The following WWTR1 variants were observed in gnomAD, a reference collection of about 807,000 sequenced individuals.
WWTR1 encodes the protein WW domain containing transcription regulator 1, also known as WW domain-containing transcription regulator protein 1.
In WWTR1, 13 loss-of-function variants were observed where a neutral mutation model predicts 40.1. That is an observed-to-expected ratio of 0.32 (90% CI 0.21 to 0.52). The LOEUF is 0.52. Ranked by LOEUF, WWTR1 falls within the 20% of genes least tolerant of loss-of-function variation. WWTR1 has a pLI of 0.97. For missense variants in WWTR1, 436 were observed against 523.1 expected (o/e 0.83, Z 1.63); for synonymous variants, 230 against 210.1 (o/e 1.09, Z -0.82).
intron 2 of WWTR1, among the ~76,000 whole-genome samples, chr3:149,642,405 C>A (rs1039337232): frequency 1.3e-5 from 2 of 148,916 alleles, no homozygotes; most frequent in African/African-American, 5.0e-5. Flanking sequence ...AGGCGACAAG[C>A]AAAACTCTGT....
chr3:149,646,138 G>A (rs67938531), intron 2 of WWTR1, among the ~76,000 whole-genome samples: 23,940 of 152,130 alleles, frequency 0.16, 2,308 homozygotes, highest in East Asian at 0.24. Context: ...ATAGCTAGAA[G>A]GATGGATGGA....
intron 5 of WWTR1, among the ~76,000 whole-genome samples, chr3:149,713,607 C>G (rs1715526705): frequency 6.6e-6 from 1 of 152,194 alleles, no homozygotes; most frequent in African/African-American, 2.4e-5. Flanking sequence ...TCTCGAACTC[C>G]TGACCTCAGG....
intron 3 of WWTR1, among the ~76,000 whole-genome samples, chr3:149,548,594 T>A (rs1267826730): frequency 6.6e-6 from 1 of 152,160 alleles, no homozygotes; most frequent in Non-Finnish European, 1.5e-5. Flanking sequence ...TCTGAGTAGA[T>A]CATGGAAAGA....
At chr3:149,561,756 T>C (rs749618678) in intron 3 of WWTR1, among the ~76,000 whole-genome samples, 1 of 152,186 alleles carries the variant, frequency 6.6e-6, no homozygotes, top group Non-Finnish European at 1.5e-5. Context: ...GAAGGCTCTC[T>C]AAGATATGTT....
intron 1 of WWTR1, among the ~76,000 whole-genome samples, chr3:149,701,151 CT>C (rs1472910541): frequency 6.6e-6 from 1 of 150,910 alleles, no homozygotes; most frequent in South Asian, 2.1e-4. Context: ...TTTTTCTTTT[CT>C]TTTTTTAGGC....
At chr3:149,642,768 C>A (rs1156449210) in intron 2 of WWTR1, among the ~76,000 whole-genome samples, 1 of 149,874 alleles carries the variant, frequency 6.7e-6, no homozygotes, top group African/African-American at 2.5e-5. Context: ...GAGTGAGACT[C>A]CGTCTCAAAA....
intron 1 of WWTR1, among the ~76,000 whole-genome samples, chr3:149,697,166 C>T (rs1395903602): frequency 6.6e-6 from 1 of 152,172 alleles, no homozygotes; most frequent in African/African-American, 2.4e-5. Flanking sequence ...AATTGGCTCA[C>T]AATTCAACAG....
intron 2 of WWTR1, among the ~76,000 whole-genome samples, chr3:149,640,012 AAGAAAG>A (rs1218252999): frequency 2.5e-4 from 35 of 137,526 alleles, no homozygotes; most frequent in Non-Finnish European, 3.2e-4. Flanking sequence ...AAAAAAAAAA[AAGAAAG>A]AAAGAAAGAA....
intron 6 of WWTR1, 96 bp from the exon 7 acceptor site, chr3:149,521,085 T>C: frequency 1.5e-6 from 2 of 1,337,310 alleles, no homozygotes; most frequent in Middle Eastern, 3.8e-4. Flanking sequence ...CCTTCATGTC[T>C]TCAACTACCA....
chr3:149,680,929 T>TA (rs1350353142), intron 1 of WWTR1, among the ~76,000 whole-genome samples: 1 of 152,358 alleles, frequency 6.6e-6, no homozygotes, highest in East Asian at 1.9e-4. Context: ...GTTACATACT[T>TA]ACAAACATTT....
At chr3:149,585,155 T>TGTGTGTGTGTGTGTGTGTGTGTGTG (rs1553795598) in intron 2 of WWTR1, among the ~76,000 whole-genome samples, 1 of 151,446 alleles carries the variant, frequency 6.6e-6, no homozygotes, top group Non-Finnish European at 1.5e-5. Context: ...TGTGTGTGTG[T>TGTGTGTGTGTGTGTGTGTGTGTGTG]TTAAGATGGA....
intron 2 of WWTR1, among the ~76,000 whole-genome samples, chr3:149,574,273 C>T (rs1219702459): frequency 6.6e-6 from 1 of 152,090 alleles, no homozygotes; most frequent in Non-Finnish European, 1.5e-5. Context: ...CTCCTGAGCT[C>T]AAGTGATCCT....
chr3:149,580,585 T>C (rs926079014), intron 2 of WWTR1, among the ~76,000 whole-genome samples: 2 of 152,190 alleles, frequency 1.3e-5, no homozygotes, highest in Non-Finnish European at 2.9e-5. Flanking sequence ...GACCTGATCA[T>C]GTTTGTAATA....
At chr3:149,591,394 C>A (rs1738719220) in intron 2 of WWTR1, among the ~76,000 whole-genome samples, 1 of 152,100 alleles carries the variant, frequency 6.6e-6, no homozygotes, top group South Asian at 2.1e-4. Context: ...TTTATTAATG[C>A]TTTTAATATC....
chr3:149,578,122 A>ACAACT (rs1737975942), intron 2 of WWTR1, among the ~76,000 whole-genome samples: 1 of 151,124 alleles, frequency 6.6e-6, no homozygotes, highest in Non-Finnish European at 1.5e-5. Context: ...AAATAACAGC[A>ACAACT]CAACTCACAT....
At chr3:149,669,179 C>T (rs1048276309) in intron 2 of WWTR1, among the ~76,000 whole-genome samples, 4 of 152,160 alleles carry the variant, frequency 2.6e-5, no homozygotes, top group African/African-American at 7.2e-5. Flanking sequence ...TACACATATA[C>T]AAGAACCCCC....
intron 2 of WWTR1, among the ~76,000 whole-genome samples, chr3:149,592,331 T>C (rs1738767746): frequency 6.6e-6 from 1 of 152,220 alleles, no homozygotes; most frequent in South Asian, 2.1e-4. Flanking sequence ...AAATATACTA[T>C]TTATGGTATT....
At chr3:149,526,644 G>C (rs1014852345) in intron 5 of WWTR1, among the ~76,000 whole-genome samples, 29 of 152,144 alleles carry the variant, frequency 1.9e-4, no homozygotes, top group Admixed American at 2.6e-4. Flanking sequence ...TGGCAAATCT[G>C]GGTAGTGGGT....
intron 2 of WWTR1, among the ~76,000 whole-genome samples, chr3:149,645,093 T>A (rs1167681624): frequency 6.6e-6 from 1 of 151,794 alleles, no homozygotes; most frequent in Non-Finnish European, 1.5e-5. Flanking sequence ...TATTTTTTTT[T>A]TTTTGAGACG....
Sources: gnomAD v4.1 joint callset for allele counts (sites outside exome capture counted in the v4.1 genomes callset) on GRCh38, gnomAD v4.1.1 for gene constraint, MANE v1.5 for transcripts, NCBI Gene and HGNC (gene_info 2026-07-23, HGNC 2026-07-21) for gene names.